LHPP: variants seen among roughly 807,000 people sequenced by gnomAD.
LHPP encodes the protein hLHPP.
A neutral mutation model predicts 30.3 loss-of-function variants in LHPP; 24 were observed. The observed-to-expected ratio is 0.79, with a 90% CI of 0.57 to 1.11. The LOEUF (loss-of-function observed/expected upper bound fraction) is 1.11, where lower values mean the gene tolerates loss of function less well. Ranked by LOEUF, LHPP falls within the 50% of genes most tolerant of loss-of-function variation. The pLI is 0.00. For missense variants in LHPP, 356 were observed against 367.2 expected (o/e 0.97, Z 0.25); for synonymous variants, 150 against 157.1 (o/e 0.95, Z 0.34).
rs1954475307 is a variant in LHPP at position 124,517,069 on chromosome 10, G to C, written c.625-111G>C. 1 of 648,284 alleles carries C rather than the reference G, an allele frequency of 1.5e-6. No homozygotes were observed. The highest frequency in any genetic ancestry group is 2.9e-5 in the East Asian group (1 of 34,764). The allele number at this position is 648,284 out of a possible 1,614,324, so 40.2% of individuals were successfully genotyped here. A position where few individuals can be genotyped will look rare whatever the true frequency, so the allele number is the denominator to read the frequency against. ...TATTATCTTGTTTAATTTGTATGAT[G>C]GTGGTTGTAAACATCAAATCAAGCC... is the stretch of plus-strand genomic sequence containing the variant. On this transcript the variant is annotated intron_variant, in intron 5 of 6. Transcript: ENST00000368842. This position sits in a 1 kb window ranked among gnomAD's most constrained non-coding sequence, Gnocchi z 4.1.
At chr10:124,481,553 G>C (rs559342182) in intron 1 of LHPP, among the ~76,000 whole-genome samples, 44 of 151,372 alleles carry the variant, frequency 2.9e-4, no homozygotes, top group Admixed American at 6.6e-4. Context: ...ATTTTTTTTG[G>C]TATTTTTAGT....
intron 1 of LHPP, among the ~76,000 whole-genome samples, chr10:124,474,717 G>A (rs1564771232): frequency 6.6e-6 from 1 of 152,118 alleles, no homozygotes; most frequent in Non-Finnish European, 1.5e-5. Flanking sequence ...AGACTGTCAA[G>A]AGGATTCGAT....
chr10:124,613,265 C>T lies in LHPP; in HGVS notation c.718C>T (p.Pro240Ser). The T allele has an allele frequency of 1.2e-6, 2 of 1,612,552 alleles. No individual in the cohort carries two copies. The highest frequency in any genetic ancestry group is 8.5e-7 in the Non-Finnish European group (1 of 1,179,198). Residue 240 changes from proline (P) to serine (S), a missense_variant and splice_region_variant, in exon 7 of 7, where the codon CCC (proline) becomes TCC (serine). Physicochemically the swap from Pro to Ser is moderately conservative, Grantham distance 74 (BLOSUM62 -1). Transcript: ENST00000368842. ...ALQVRTGKFRPSDEHHPEVKA... is the reference protein window; with the variant it reads ...ALQVRTGKFRSSDEHHPEVKA... ...CTAACCTCCGGCCATCCTCTCCAGG[C>T]CCAGTGACGAGCACCATCCGGAAGT... is the stretch of plus-strand genomic sequence containing the variant.
chr10:124,480,082 G>T (rs1226416607), intron 1 of LHPP, among the ~76,000 whole-genome samples: 1 of 152,140 alleles, frequency 6.6e-6, no homozygotes, highest in Non-Finnish European at 1.5e-5. Context: ...TCAGTATAAT[G>T]TTGTATTAAT....
chr10:124,529,022 GA>G (rs1954815697), intron 6 of LHPP, among the ~76,000 whole-genome samples: 12 of 127,530 alleles, frequency 9.4e-5, no homozygotes, highest in Non-Finnish European at 1.6e-4. Flanking sequence ...GAATTTGGGG[GA>G]TTCTTTTTTT....
chr10:124,508,590 CTT>C (rs200472559), intron 5 of LHPP, among the ~76,000 whole-genome samples: 10,197 of 135,404 alleles, frequency 0.075, 579 homozygotes, highest in South Asian at 0.27. Context: ...CCCTTGGAGG[CTT>C]TTTTTTTTTT....
chr10:124,467,752 G>A (rs2133811514), intron 1 of LHPP, among the ~76,000 whole-genome samples: 1 of 151,150 alleles, frequency 6.6e-6, no homozygotes, highest in East Asian at 1.9e-4. Flanking sequence ...GTCTCACTCT[G>A]TCTCCCAGGC....
At chr10:124,605,721 A>G (rs1949083137) in intron 6 of LHPP, among the ~76,000 whole-genome samples, 1 of 152,030 alleles carries the variant, frequency 6.6e-6, no homozygotes, top group Non-Finnish European at 1.5e-5. Flanking sequence ...GAGCCAGGCT[A>G]TGATGTGGGC....
intron 5 of LHPP, among the ~76,000 whole-genome samples, chr10:124,506,262 A>ACC (rs1312484050): frequency 4.8e-5 from 5 of 104,764 alleles, no homozygotes; most frequent in Admixed American, 1.9e-4. Context: ...AAAAACAACA[A>ACC]ACCCCCCCCC....
rs1564776208 is a variant in LHPP, at chr10:124,481,391, T to TTTTTG, written c.126-2745_126-2744insTGTTT. 8.5e-5 allele frequency among the ~76,000 whole-genome samples: 12 copies of TTTTTG among 140,788 alleles called. 1 individual carries two copies. The highest frequency in any genetic ancestry group is 1.1e-4 in the Non-Finnish European group (7 of 64,762). The allele number at this position is 140,788 out of a possible 152,430, so 92.4% of individuals were successfully genotyped here. A position where few individuals can be genotyped will look rare whatever the true frequency, so the allele number is the denominator to read the frequency against. On this transcript the variant is annotated intron_variant, in intron 1 of 6. Transcript: ENST00000368842. Reference sequence around the variant, plus strand: ...CTGCCCCCTTTTTTTTTTTTTTTTTTTTTGCGACAGAGTCTCACTGTGTGA... The same window carrying TTTTTG: ...CTGCCCCCTTTTTTTTTTTTTTTTTTTTTTGTTTGCGACAGAGTCTCACTGTGTGA...
chr10:124,494,858 G>T (rs1258827857), intron 3 of LHPP, among the ~76,000 whole-genome samples: 2 of 152,138 alleles, frequency 1.3e-5, no homozygotes, highest in East Asian at 3.9e-4. Flanking sequence ...AGCAGGCTGG[G>T]GCTGGGAGTA....
intron 6 of LHPP, among the ~76,000 whole-genome samples, chr10:124,586,703 G>A (rs969256294): frequency 2.0e-5 from 3 of 152,196 alleles, no homozygotes; most frequent in Non-Finnish European, 2.9e-5. Flanking sequence ...CCTGCACAGA[G>A]GCCCCGAGGC....
In LHPP at chr10:124,596,659, G is replaced by A. The variant is rs1948946562; in HGVS notation, c.717-16605G>A. 6.6e-6 allele frequency among the ~76,000 whole-genome samples: 1 copy of A among 152,200 alleles called. No homozygotes were observed. The highest frequency in any genetic ancestry group is 2.1e-4 in the South Asian group (1 of 4,836). On this transcript the variant is annotated intron_variant, in intron 6 of 6. Coordinates refer to ENST00000368842, the MANE Select transcript of LHPP (RefSeq NM_022126.4). This position sits in a 1 kb window ranked among gnomAD's most constrained non-coding sequence, Gnocchi z 4.6. ...GACCCTAAACAACACCCAGGGAGGA[G>A]CAGCCTGGCCTATGAGCAGGGGGAC...
In LHPP at chr10:124,591,733, T is replaced by A. The variant is rs149415979; in HGVS notation, c.717-21531T>A. 2.6e-5 allele frequency among the ~76,000 whole-genome samples: 4 copies of A among 152,216 alleles called. No homozygotes were observed. The East Asian group carries it at 7.7e-4, about 29-fold the overall frequency. ...GCATTTGGTACTATGAATTTCCCTCTGAATCCTGCTTCAGCTGCATCCCAA... is the reference window on the plus strand; with the variant it reads ...GCATTTGGTACTATGAATTTCCCTCAGAATCCTGCTTCAGCTGCATCCCAA... On this transcript the variant is annotated intron_variant, in intron 6 of 6. Coordinates refer to ENST00000368842, the MANE Select transcript of LHPP (RefSeq NM_022126.4).
At chr10:124,505,656 AG>A (rs1426671755) in intron 5 of LHPP, among the ~76,000 whole-genome samples, 3 of 152,234 alleles carry the variant, frequency 2.0e-5, no homozygotes, top group East Asian at 3.8e-4. Flanking sequence ...GGTTACTTCT[AG>A]AAATATCTAA....
intron 6 of LHPP, among the ~76,000 whole-genome samples, chr10:124,531,778 T>C (rs1329792942): frequency 6.6e-6 from 1 of 152,238 alleles, no homozygotes; most frequent in Non-Finnish European, 1.5e-5. Flanking sequence ...AATGTGTTTT[T>C]CCCCTTTGTG....
chr10:124,517,358 A>G lies in LHPP; in HGVS notation c.716+87A>G, dbSNP rs1954487420. On this transcript the variant is annotated intron_variant, in intron 6 of 6. Coordinates refer to ENST00000368842, the MANE Select transcript of LHPP (RefSeq NM_022126.4). The surrounding 1 kb of genome is among the most constrained non-coding windows in gnomAD (Gnocchi z 4.1). ...TGTTTTGTTCTTCAAAATAAAGGGG[A>G]TATTCTTTCCAAATCAAAGAGCAGT... 1 of 865,364 alleles carries G rather than the reference A, an allele frequency of 1.2e-6. No individual in the cohort carries two copies. Among genetic ancestry groups the G allele is most frequent in the Non-Finnish European group, 1.7e-6 (1 of 583,704 alleles). The allele number at this position is 865,364 out of a possible 1,614,324, so 53.6% of individuals were successfully genotyped here.
chr10:124,536,522 C>T (rs1955031985), intron 6 of LHPP, among the ~76,000 whole-genome samples: 1 of 152,216 alleles, frequency 6.6e-6, no homozygotes, highest in South Asian at 2.1e-4. Flanking sequence ...CAGGCCAAGG[C>T]TTTGGGCTCC....
intron 6 of LHPP, among the ~76,000 whole-genome samples, chr10:124,527,980 G>A (rs11245263): frequency 0.52 from 78,966 of 151,670 alleles, 21,174 homozygotes; most frequent in South Asian, 0.68. Flanking sequence ...GAGTCTCCCT[G>A]TGTTGCCCAG....
Sources: gnomAD v4.1 joint callset for allele counts (sites outside exome capture counted in the v4.1 genomes callset) on GRCh38, gnomAD v4.1.1 for gene constraint, Gnocchi (gnomAD v3.1) non-coding constraint, MANE v1.5 for transcripts, NCBI Gene and HGNC (gene_info 2026-07-23, HGNC 2026-07-21) for gene names.